The following UBR4 variants were observed in gnomAD, a reference collection of about 807,000 sequenced individuals.
The protein encoded by UBR4 is ubiquitin protein ligase E3 component n-recognin 4.
A neutral mutation model predicts 575.6 loss-of-function variants in UBR4; 124 were observed. The ratio of observed to expected loss-of-function variants is 0.22; its 90% CI spans 0.19 to 0.25. The LOEUF is 0.25. Ranked by LOEUF, UBR4 falls within the 10% of genes least tolerant of loss-of-function variation. The probability of loss-of-function intolerance (pLI) is 1.00; values close to 1 mark genes in which losing one functional copy is unlikely to be tolerated. For synonymous variants in UBR4, 2,455 were observed against 2,473.7 expected, an observed-to-expected ratio of 0.99 and a Z score of 0.22; for missense variants, 4,818 against 6,478.8, an observed-to-expected ratio of 0.74 and a Z score of 8.80.
chr1:19,128,317 A>G lies in UBR4; in HGVS notation c.9005T>C (p.Val3002Ala). The change falls in exon 62 of 106, where the codon GTC (valine) becomes GCC (alanine). Residue 3002 changes from valine to alanine, a missense_variant and splice_region_variant. By Grantham distance (64) the Val-to-Ala change is moderately conservative (BLOSUM62 0). Coordinates refer to ENST00000375254, the MANE Select transcript of UBR4 (RefSeq NM_020765.3). ...CAGATCTGTAGTGAGCATTAGAATG[A>G]CCTAGAAGTCAAAGACAGAAAACAC... ...GGVRAIPYMQ[V>A]ILMLTTDLDG... 6.2e-7 allele frequency: 1 copy of G among 1,613,454 alleles called. No individual in the cohort carries two copies. Among genetic ancestry groups the G allele is most frequent in the African/African-American group, 1.3e-5 (1 of 75,006 alleles).
Position 19,074,850 on chromosome 1 carries a change from C to A in UBR4, c.15534G>T (p.Leu5178=). The A allele has an allele frequency of 6.2e-7, 1 of 1,614,118 alleles. No homozygotes were observed. The highest frequency in any genetic ancestry group is 8.5e-7 in the Non-Finnish European group (1 of 1,180,000). ...ITDPESFLKD[L]LNSVP ...GTGGTGGTCAGGGGACTGAGTTCAA[C>A]AGGTCCTTCAGGAAGCTCTCTGGAT... Residue 5178 remains leucine, a synonymous_variant, in exon 106 of 106, where the codon CTG becomes CTT. Coordinates refer to ENST00000375254, the MANE Select transcript of UBR4 (RefSeq NM_020765.3).
rs113425235 is a variant in UBR4 at position 19,208,680 on chromosome 1, G to A, written c.176+1393C>T. 4.5e-3 allele frequency among the ~76,000 whole-genome samples: 682 copies of A among 152,212 alleles called. 5 individuals carry two copies. The highest frequency in any genetic ancestry group is 0.017 in the Middle Eastern group (5 of 294). ...ACCTAGTGATGTATTTGGTTGGAGGGTGTTCCTTAAGTATTACAGCTTTAA... is the reference window on the plus strand; with the variant it reads ...ACCTAGTGATGTATTTGGTTGGAGGATGTTCCTTAAGTATTACAGCTTTAA... On this transcript the variant is annotated intron_variant, in intron 1 of 105. Coordinates refer to ENST00000375254, the MANE Select transcript of UBR4 (RefSeq NM_020765.3).
chr1:19,126,792 C>T lies in UBR4; in HGVS notation c.9229-137G>A. On this transcript the variant is annotated intron_variant, in intron 63 of 105. Coordinates refer to ENST00000375254, the MANE Select transcript of UBR4 (RefSeq NM_020765.3). ...GCAGTGAGTGAATCAGGCTCTTGCA[C>T]TGAAACTTCCCCAAGGAAGTTTGTG... The T allele has an allele frequency of 3.4e-6, 3 of 891,072 alleles. No individual in the cohort carries two copies. The South Asian group carries it at 5.2e-5, about 15-fold the overall frequency. The allele number at this position is 891,072 out of a possible 1,614,324, so 55.2% of individuals were successfully genotyped here.
Position 19,086,286 on chromosome 1 carries a change from A to C in UBR4, c.14688-16T>G, listed in dbSNP as rs370264827. The C allele has an allele frequency of 2.0e-5, 27 of 1,356,268 alleles. No homozygotes were observed. The African/African-American group carries it at 4.0e-4, about 20-fold the overall frequency. 84.0% of individuals were successfully genotyped at this position (1,356,268 alleles called of 1,614,324 possible). A position where few individuals can be genotyped will look rare whatever the true frequency, so the allele number is the denominator to read the frequency against. ...TCGAGCCAACCTGGATAGGGAGGAG[A>C]GCAGGGACAAGCGACTGCTGGCATT... On this transcript the variant is annotated splice_polypyrimidine_tract_variant and intron_variant, in intron 100 of 105. Coordinates refer to ENST00000375254, the MANE Select transcript of UBR4 (RefSeq NM_020765.3).
intron 35 of UBR4, 116 bp from the exon 36 acceptor site, chr1:19,162,013 C>T (rs957134743): frequency 6.0e-6 from 7 of 1,165,050 alleles, no homozygotes; most frequent in African/African-American, 3.1e-5. Flanking sequence ...GCAAATGACC[C>T]GTGGAAATCT....
rs755620247 is a variant in UBR4, at chr1:19,119,736, C to G, written c.10311-35G>C. The G allele has an allele frequency of 5.7e-6, 9 of 1,585,056 alleles. No individual in the cohort carries two copies. The South Asian group carries it at 8.9e-5, about 16-fold the overall frequency. On this transcript the variant is annotated intron_variant, in intron 69 of 105. Coordinates refer to ENST00000375254, the MANE Select transcript of UBR4 (RefSeq NM_020765.3). ...TATGACAGCTCATGTTACCAAGCAG[C>G]AGAAAACCCTGAGGCACCTGTGTTT...
intron 78 of UBR4, 41 bp downstream of exon 78, chr1:19,112,483 G>A: frequency 6.4e-7 from 1 of 1,560,624 alleles, no homozygotes; most frequent in Non-Finnish European, 8.7e-7. Context: ...GCCAGTGTCA[G>A]TAGGAACCAC....
rs768437799 is a variant in UBR4, at chr1:19,155,457, T to C, written c.6284A>G (p.Asn2095Ser). 6.2e-7 allele frequency: 1 copy of C among 1,614,100 alleles called. No homozygotes were observed. Among genetic ancestry groups the C allele is most frequent in the Admixed American group, 1.7e-5 (1 of 60,018 alleles). Residue 2095 changes from asparagine (N) to serine (S), a missense_variant, in exon 43 of 106, where the codon AAT (asparagine) becomes AGT (serine). Asn to Ser is a conservative substitution (Grantham distance 46, BLOSUM62 1). This residue lies in a region of UBR4 where 461 missense variants were observed against 606.9 expected (regional missense o/e 0.76). Coordinates refer to ENST00000375254, the MANE Select transcript of UBR4 (RefSeq NM_020765.3). The part of the protein sequence containing the change: ...PFYVTNVLEI[N>S]HEDLKDSNSQ... ...TGCTCTAACCTTCAGGTCCTCATGA[T>C]TGATTTCCAACACATTAGTGACATA...
At chr1:19,091,219 C>T (rs1471556873) in intron 97 of UBR4, among the ~76,000 whole-genome samples, 1 of 151,938 alleles carries the variant, frequency 6.6e-6, no homozygotes, top group Non-Finnish European at 1.5e-5. Context: ...AGAGATGTTA[C>T]AAGGATATGG....
At position 19,106,877 on chromosome 1, in the gene UBR4, C is replaced by A; in HGVS notation, c.12195G>T (p.Lys4065Asn). 1 of 1,613,832 alleles carries A rather than the reference C, an allele frequency of 6.2e-7. No individual in the cohort carries two copies. Among genetic ancestry groups the A allele is most frequent in the East Asian group, 2.2e-5 (1 of 44,874 alleles). Reference protein sequence around the residue: ...QAQLWLKRDPKASYDAWKKCL... With the variant: ...QAQLWLKRDPNASYDAWKKCL... ...ACTTCTTCCAGGCATCATAGGATGC[C>A]TTGGGGTCTCTCTTGAGCCACAGTT... Residue 4065 changes from lysine to asparagine, a missense_variant, in exon 82 of 106, where the codon AAG becomes AAT. Coordinates refer to ENST00000375254, the MANE Select transcript of UBR4 (RefSeq NM_020765.3).
chr1:19,144,889 G>A lies in UBR4; in HGVS notation c.7964C>T (p.Ala2655Val). 1.9e-6 allele frequency: 3 copies of A among 1,614,008 alleles called. No homozygotes were observed. The highest frequency in any genetic ancestry group is 2.5e-6 in the Non-Finnish European group (3 of 1,179,972). ...ACLPGLTHIE[A>V]TVNALVDIIH... ...GATGTCCACCAGAGCATTGACAGTAGCTTCAATATGAGTTAGTCCTAAAGG... is the reference window on the plus strand; with the variant it reads ...GATGTCCACCAGAGCATTGACAGTAACTTCAATATGAGTTAGTCCTAAAGG... The change falls in exon 54 of 106, where the codon GCT becomes GTT. Residue 2655 changes from alanine (A) to valine (V), a missense_variant. Coordinates refer to ENST00000375254, the MANE Select transcript of UBR4 (RefSeq NM_020765.3).
At position 19,153,800 on chromosome 1, in the gene UBR4, G is replaced by A. The variant is rs267598259; in HGVS notation, c.6598C>T (p.Gln2200Ter). ...VMVKPDTFLI[Q>*]EIKTLPAKAK... is the part of the protein sequence containing the mutation. ...TTAGCAGGAAGAGTCTTAATCTCCT[G>A]GATAAGAAAAGTGTCTGGTTTCACC... Residue 2200 changes from glutamine to a stop codon, truncating the protein, a stop_gained, in exon 45 of 106, where the codon CAG becomes TAG. Coordinates refer to ENST00000375254, the MANE Select transcript of UBR4 (RefSeq NM_020765.3). LOFTEE classifies it high-confidence loss of function. This position sits in a 1 kb window ranked among gnomAD's most constrained non-coding sequence, Gnocchi z 4.1. 1 of 1,614,152 alleles carries A rather than the reference G, an allele frequency of 6.2e-7. No homozygotes were observed. The highest frequency in any genetic ancestry group is 8.5e-7 in the Non-Finnish European group (1 of 1,180,006).
chr1:19,104,298 A>G, intron 86 of UBR4, 41 bp from the exon 87 acceptor site: 1 of 1,608,008 alleles, frequency 6.2e-7, no homozygotes, highest in South Asian at 1.1e-5. Context: ...GCTCTGGATG[A>G]AAACATAAGG....
Position 19,117,347 on chromosome 1 carries a change from A to G in UBR4, c.10697T>C (p.Ile3566Thr), listed in dbSNP as rs1021818314. The G allele has an allele frequency of 6.2e-7, 1 of 1,614,016 alleles. No individual in the cohort carries two copies. The highest frequency in any genetic ancestry group is 1.3e-5 in the African/African-American group (1 of 74,920). ...CACTTTGCTGATGGTGTGACTGCCAATGAGCTTCACAACCTGCTGGGTGGT... is the reference window on the plus strand; with the variant it reads ...CACTTTGCTGATGGTGTGACTGCCAGTGAGCTTCACAACCTGCTGGGTGGT... ...YTTTQQVVKL[I>T]GSHTISKVTV... The change falls in exon 73 of 106, where the codon ATT becomes ACT. Residue 3566 changes from isoleucine (I) to threonine (T), a missense_variant. Physicochemically the swap from Ile to Thr is moderately conservative, Grantham distance 89. Coordinates refer to ENST00000375254, the MANE Select transcript of UBR4 (RefSeq NM_020765.3). The surrounding 1 kb of genome is among the most constrained non-coding windows in gnomAD (Gnocchi z 4.0).
intron 9 of UBR4, 40 bp downstream of exon 9, chr1:19,193,393 G>C (rs72651403): frequency 0.3 from 486,303 of 1,604,212 alleles, 78,381 homozygotes; most frequent in East Asian, 0.63. Flanking sequence ...TCCCTCATTT[G>C]AACAATCAAG....
chr1:19,095,681 G>A (rs2077963295), intron 92 of UBR4, 29 bp from the exon 93 acceptor site: 6 of 1,605,794 alleles, frequency 3.7e-6, no homozygotes, highest in South Asian at 3.3e-5. Context: ...CAAAACCCAT[G>A]AGGCCACATG....
Position 19,154,961 on chromosome 1 carries a change from T to C in UBR4, c.6415A>G (p.Thr2139Ala), listed in dbSNP as rs758900509. ...GKSFAATISRTTLEVLQLFPI... is the reference protein window; with the variant it reads ...GKSFAATISRATLEVLQLFPI... ...AAGAGTTGCAACACCTCCAGGGTTG[T>C]CCTGCTGATGGTGGCTGCGAATGAT... Residue 2139 changes from threonine to alanine, a missense_variant, in exon 44 of 106, where the codon ACA becomes GCA. Coordinates refer to ENST00000375254, the MANE Select transcript of UBR4 (RefSeq NM_020765.3). 6.2e-7 allele frequency: 1 copy of C among 1,614,196 alleles called. No homozygotes were observed. Among genetic ancestry groups the C allele is most frequent in the Non-Finnish European group, 8.5e-7 (1 of 1,180,010 alleles).
Position 19,199,742 on chromosome 1 carries a change from T to C in UBR4, c.287A>G (p.Gln96Arg). The C allele has an allele frequency of 6.2e-7, 1 of 1,614,184 alleles. No homozygotes were observed. Among genetic ancestry groups the C allele is most frequent in the Non-Finnish European group, 8.5e-7 (1 of 1,180,014 alleles). Residue 96 changes from glutamine (Q) to arginine (R), a missense_variant, in exon 3 of 106, where the codon CAA (glutamine) becomes CGA (arginine). Gln to Arg is a conservative substitution (Grantham distance 43). Coordinates refer to ENST00000375254, the MANE Select transcript of UBR4 (RefSeq NM_020765.3). ...ACAGGCTGCTGCCACTGACTGAAGTTGGTTCCGGGGAACTGAGAAAGTAAT... is the reference window on the plus strand; with the variant it reads ...ACAGGCTGCTGCCACTGACTGAAGTCGGTTCCGGGGAACTGAGAAAGTAAT... ...TTVCSLIPRN[Q>R]LQSVAAACKV... is the part of the protein sequence containing the mutation.
Position 19,110,523 on chromosome 1 carries a change from T to A in UBR4, c.11893-59A>T. On this transcript the variant is annotated intron_variant, in intron 79 of 105. Transcript: ENST00000375254. The surrounding 1 kb of genome is among the most constrained non-coding windows in gnomAD (Gnocchi z 4.5). ...GGGTCAGCTCCGGTCCAGCGACTCT[T>A]AACTATTAATACAATTTCTGGTCCT... is the stretch of plus-strand genomic sequence containing the variant. 1 of 1,543,172 alleles carries A rather than the reference T, an allele frequency of 6.5e-7. No homozygotes were observed. The highest frequency in any genetic ancestry group is 8.9e-7 in the Non-Finnish European group (1 of 1,121,692).
Sources: allele counts gnomAD v4.1 joint callset (sites outside exome capture counted in the v4.1 genomes callset), GRCh38; gene constraint gnomAD v4.1.1; regional missense constraint gnomAD v4.1.1; non-coding constraint Gnocchi (gnomAD v3.1); transcripts MANE v1.5; gene names NCBI Gene and HGNC (gene_info 2026-07-23, HGNC 2026-07-21).